The following NKAIN2 variants were observed in gnomAD, a reference collection of about 807,000 sequenced individuals.
NKAIN2 encodes the protein sodium/potassium-transporting ATPase subunit beta-1-interacting protein 2.
A neutral mutation model predicts 32.6 loss-of-function variants in NKAIN2; 14 were observed. The ratio of observed to expected loss-of-function variants is 0.43; its 90% CI spans 0.28 to 0.67. The LOEUF is 0.67. NKAIN2 is among the 30% of genes least tolerant of loss of function. The pLI, the probability that NKAIN2 is intolerant of heterozygous loss-of-function variation, is 0.17. For missense variants in NKAIN2, 198 were observed against 258.3 expected, an observed-to-expected ratio of 0.77 and a Z score of 1.60; for synonymous variants, 80 against 87.2, an observed-to-expected ratio of 0.92 and a Z score of 0.46.
intron 1 of NKAIN2, among the ~76,000 whole-genome samples, chr6:123,912,926 A>C (rs990566690): frequency 6.6e-6 from 1 of 152,238 alleles, no homozygotes; most frequent in Non-Finnish European, 1.5e-5. Flanking sequence ...AGTGAAAGCT[A>C]CTTAGTAAAA....
chr6:124,325,602 A>C (rs1008330404), intron 2 of NKAIN2, among the ~76,000 whole-genome samples: 30 of 152,292 alleles, frequency 2.0e-4, no homozygotes, highest in African/African-American at 5.8e-4. Flanking sequence ...AATATTGGTC[A>C]ATATCAGAAA....
At chr6:124,539,041 C>A (rs546655486) in intron 3 of NKAIN2, among the ~76,000 whole-genome samples, 22 of 152,176 alleles carry the variant, frequency 1.4e-4, no homozygotes, top group African/African-American at 5.3e-4. Flanking sequence ...GAATTAATTT[C>A]ATTTGAAATG....
intron 1 of NKAIN2, among the ~76,000 whole-genome samples, chr6:123,913,674 T>C (rs983515004): frequency 6.6e-6 from 1 of 152,192 alleles, no homozygotes; most frequent in Non-Finnish European, 1.5e-5. Context: ...TCTTTCTTTA[T>C]ACAAATATTA....
chr6:124,712,165 G>T (rs544953353), intron 4 of NKAIN2, among the ~76,000 whole-genome samples: 21 of 151,404 alleles, frequency 1.4e-4, no homozygotes, highest in African/African-American at 4.1e-4. Flanking sequence ...TGAGGAGGCA[G>T]TCTGCCCGTT....
chr6:124,621,735 A>G (rs1054342480), intron 3 of NKAIN2, among the ~76,000 whole-genome samples: 57 of 152,186 alleles, frequency 3.7e-4, no homozygotes, highest in Non-Finnish European at 1.3e-4. Context: ...TTCTCTCCCA[A>G]TAGAGAATTT....
chr6:124,029,495 T>C (rs1380971648), intron 1 of NKAIN2, among the ~76,000 whole-genome samples: 4 of 152,114 alleles, frequency 2.6e-5, no homozygotes, highest in African/African-American at 7.2e-5. Flanking sequence ...GTTGTAAATT[T>C]GATAAAGAAA....
At chr6:124,325,298 C>A (rs932112412) in intron 2 of NKAIN2, among the ~76,000 whole-genome samples, 1 of 151,940 alleles carries the variant, frequency 6.6e-6, no homozygotes, top group African/African-American at 2.4e-5. Flanking sequence ...TATTATATTG[C>A]TAGTGGGGAT....
chr6:123,934,437 C>T (rs1344676112), intron 1 of NKAIN2, among the ~76,000 whole-genome samples: 2 of 152,142 alleles, frequency 1.3e-5, no homozygotes, highest in Non-Finnish European at 2.9e-5. Flanking sequence ...CTACTCCAGC[C>T]CACAGTGAAT....
chr6:124,324,841 T>C (rs547204583), intron 2 of NKAIN2, among the ~76,000 whole-genome samples: 65 of 152,126 alleles, frequency 4.3e-4, no homozygotes, highest in Non-Finnish European at 7.4e-4. Flanking sequence ...GCAATTTTTT[T>C]CTTCCTTAGC....
intron 4 of NKAIN2, among the ~76,000 whole-genome samples, chr6:124,715,631 T>A (rs1353441586): frequency 3.3e-5 from 5 of 152,176 alleles, no homozygotes; most frequent in Non-Finnish European, 7.3e-5. Flanking sequence ...GCTTGGAGAA[T>A]CAAGGACCAC....
At chr6:124,230,214 C>A (rs1387928548) in intron 1 of NKAIN2, among the ~76,000 whole-genome samples, 4 of 152,034 alleles carry the variant, frequency 2.6e-5, no homozygotes, top group Non-Finnish European at 4.4e-5. Context: ...TTCCCCTGCC[C>A]TAGAGATTTG....
chr6:124,812,265 A>G (rs1780935526), intron 5 of NKAIN2, among the ~76,000 whole-genome samples: 1 of 152,162 alleles, frequency 6.6e-6, no homozygotes. Context: ...CTTTATTATC[A>G]TTCAAGGCCT....
chr6:123,944,724 G>A (rs1393326870), intron 1 of NKAIN2, among the ~76,000 whole-genome samples: 1 of 151,862 alleles, frequency 6.6e-6, no homozygotes, highest in Non-Finnish European at 1.5e-5. Flanking sequence ...GTTTACTTTG[G>A]GATCAAGAAA....
chr6:124,578,828 C>T (rs2114934690), intron 3 of NKAIN2, among the ~76,000 whole-genome samples: 1 of 152,138 alleles, frequency 6.6e-6, no homozygotes, highest in East Asian at 2.0e-4. Flanking sequence ...GCTTTTGTCA[C>T]CCCTCCCCCA....
At chr6:123,923,917 T>C (rs962744868) in intron 1 of NKAIN2, among the ~76,000 whole-genome samples, 9 of 150,894 alleles carry the variant, frequency 6.0e-5, no homozygotes, top group Admixed American at 1.3e-4. Context: ...AATGTGCACA[T>C]GTACCCTAAA....
intron 1 of NKAIN2, among the ~76,000 whole-genome samples, chr6:124,049,076 G>C (rs1478154999): frequency 6.6e-6 from 1 of 151,886 alleles, no homozygotes; most frequent in Non-Finnish European, 1.5e-5. Flanking sequence ...AGTCAACATT[G>C]ATTTCTATGT....
intron 1 of NKAIN2, among the ~76,000 whole-genome samples, chr6:124,272,183 G>A (rs367957236): frequency 2.0e-5 from 3 of 152,196 alleles, no homozygotes; most frequent in African/African-American, 7.2e-5. Flanking sequence ...AAGACAATGG[G>A]GAAAATGTCT....
intron 4 of NKAIN2, among the ~76,000 whole-genome samples, chr6:124,770,260 C>G (rs1201252288): frequency 3.3e-5 from 5 of 152,192 alleles, no homozygotes; most frequent in Non-Finnish European, 5.9e-5. Flanking sequence ...AACTCCAGCC[C>G]TTTTCCTACT....
chr6:124,344,439 C>T (rs1010839980), intron 2 of NKAIN2, among the ~76,000 whole-genome samples: 15 of 151,486 alleles, frequency 9.9e-5, no homozygotes, highest in African/African-American at 2.9e-4. Flanking sequence ...GCCATTTTCA[C>T]GATATTGATT....
Sources: allele counts gnomAD v4.1 joint callset (sites outside exome capture counted in the v4.1 genomes callset), GRCh38; gene constraint gnomAD v4.1.1; transcripts MANE v1.5; gene names NCBI Gene and HGNC (gene_info 2026-07-23, HGNC 2026-07-21).